MAEA: variants seen among roughly 807,000 people sequenced by gnomAD.
The protein encoded by MAEA is macrophage erythroblast attacher, E3 ubiquitin ligase, also known as E3 ubiquitin-protein transferase MAEA.
Under a neutral mutation model 46.2 loss-of-function variants are expected in MAEA, and 22 were observed. The ratio of observed to expected loss-of-function variants is 0.48; its 90% confidence interval spans 0.34 to 0.68. MAEA has a LOEUF of 0.68. MAEA is among the 30% of genes least tolerant of loss of function. The pLI, the probability that MAEA is intolerant of heterozygous loss-of-function variation, is 0.01. For missense variants in MAEA, 393 were observed against 558.1 expected, an observed-to-expected ratio of 0.70 and a Z score of 2.98; for synonymous variants, 246 against 222.6, an observed-to-expected ratio of 1.11 and a Z score of -0.94.
Position 1,339,285 on chromosome 4 carries a change from G to A in MAEA, c.*116G>A. On this transcript the variant is annotated 3_prime_UTR_variant, in exon 9 of 9. Transcript: ENST00000303400. ...GGCGTTTCTGTTTCTTGCGACCAAA[G>A]ATCCGTGAGCAACGATAAATACTCT... 1.4e-6 allele frequency: 1 copy of A among 730,128 alleles called. No individual in the cohort carries two copies. 45.2% of individuals were successfully genotyped at this position (730,128 alleles called of 1,614,324 possible). A position where few individuals can be genotyped will look rare whatever the true frequency, so the allele number is the denominator to read the frequency against.
At chr4:1,328,231 C>T (rs1475873178) in intron 5 of MAEA, among the ~76,000 whole-genome samples, 8 of 152,224 alleles carry the variant, frequency 5.3e-5, no homozygotes. Context: ...CAGCGGCGCC[C>T]TGGTGGTCAG....
At chr4:1,299,023 G>A (rs11247984) in intron 1 of MAEA, among the ~76,000 whole-genome samples, 53,192 of 151,842 alleles carry the variant, frequency 0.35, 11,284 homozygotes, top group Non-Finnish European at 0.48. Context: ...CTGGGACCAC[G>A]GGCGCCTGCT....
intron 1 of MAEA, among the ~76,000 whole-genome samples, chr4:1,304,609 T>A (rs1240613033): frequency 6.6e-6 from 1 of 151,828 alleles, no homozygotes; most frequent in East Asian, 1.9e-4. Flanking sequence ...CCTGGCTAAT[T>A]TTTTTGTATT....
intron 1 of MAEA, among the ~76,000 whole-genome samples, chr4:1,290,226 G>A (rs1733963442): frequency 6.6e-6 from 1 of 152,092 alleles, no homozygotes; most frequent in African/African-American, 2.4e-5. Context: ...TGCGTGAGCC[G>A]AGCCAGCGAC....
chr4:1,336,080 C>T lies in MAEA; in HGVS notation c.766-781C>T, dbSNP rs566928547. On this transcript the variant is annotated intron_variant, in intron 6 of 8. Transcript: ENST00000303400. ...TTGAAATCACAGAGTTAAGTCAGCA[C>T]CTGCCCTGCAGTGTGTTGAAATCAG... Among the ~76,000 whole-genome samples, 56 of 151,806 alleles carry T rather than the reference C, an allele frequency of 3.7e-4. 1 individual carries two copies. Among genetic ancestry groups the T allele is most frequent in the South Asian group, 6.3e-4 (3 of 4,786 alleles).
chr4:1,329,688 C>T (rs549461525), intron 5 of MAEA: 19 of 985,592 alleles, frequency 1.9e-5, no homozygotes, highest in Admixed American at 1.2e-4. Flanking sequence ...ACAAGGCACA[C>T]GGGAGCTGGG....
Position 1,335,110 on chromosome 4 carries a change from C to G in MAEA, c.766-1751C>G, listed in dbSNP as rs544495369. The G allele has an allele frequency of 2.1e-5, 21 of 985,422 alleles. No individual in the cohort carries two copies. The African/African-American group carries it at 3.5e-4, about 16-fold the overall frequency. 61.0% of individuals were successfully genotyped at this position (985,422 alleles called of 1,614,324 possible). A position where few individuals can be genotyped will look rare whatever the true frequency, so the allele number is the denominator to read the frequency against. Reference sequence around the variant, plus strand: ...TTTCTCTCCTGTGCTCACACACGCTCTCTCTCTTAAGTCTAAACCTGAGGT... The same window carrying G: ...TTTCTCTCCTGTGCTCACACACGCTGTCTCTCTTAAGTCTAAACCTGAGGT... On this transcript the variant is annotated intron_variant, in intron 6 of 8. Coordinates refer to ENST00000303400, the MANE Select transcript of MAEA (RefSeq NM_001017405.3).
intron 3 of MAEA, among the ~76,000 whole-genome samples, chr4:1,321,395 G>A (rs11933855): frequency 0.28 from 42,430 of 151,420 alleles, 8,095 homozygotes; most frequent in African/African-American, 0.52. Context: ...AAACAACACT[G>A]TGAGGGGTTT....
intron 6 of MAEA, chr4:1,335,604 G>A (rs1039968410): frequency 6.3e-6 from 6 of 949,836 alleles, no homozygotes; most frequent in African/African-American, 2.1e-5. Flanking sequence ...GCCCCATGGC[G>A]TGTTGAAACC....
chr4:1,331,553 T>G (rs1711814137), intron 5 of MAEA: 1 of 152,464 alleles, frequency 6.6e-6, no homozygotes, highest in Non-Finnish European at 1.5e-5. Flanking sequence ...TGGCACCTCC[T>G]CAGCCCTGTG....
At chr4:1,297,921 C>T (rs1230518866) in intron 1 of MAEA, 2 of 448,918 alleles carry the variant, frequency 4.5e-6, no homozygotes, top group South Asian at 3.1e-5. Flanking sequence ...GATGTAGCCC[C>T]ATCCCCTGCC....
chr4:1,312,014 C>T lies in MAEA; in HGVS notation c.105C>T (p.Ala35=), dbSNP rs34402978. 0.04 allele frequency: 63,929 copies of T among 1,613,646 alleles called. 1,443 individuals are homozygous for T. The highest frequency in any genetic ancestry group is 0.046 in the Middle Eastern group (278 of 6,060). Residue 35 remains alanine, a synonymous_variant, in exon 2 of 9, where the codon GCC becomes GCT. Coordinates refer to ENST00000303400, the MANE Select transcript of MAEA (RefSeq NM_001017405.3). ...PYETLNKRFR[A]AQKNIDRETS... ...AGACGCTGAACAAACGCTTTCGCGC[C>T]GCTCAGAAGAACATTGACCGGGAGA...
Position 1,289,998 on chromosome 4 carries a change from G to A in MAEA, c.69+16G>A, listed in dbSNP as rs767793564. On this transcript the variant is annotated intron_variant, in intron 1 of 8. Transcript: ENST00000303400. ...GACCCTCAAGGTGGGCGCCTGCGCC[G>A]CGCAGGCTGAGGGCAGCGAAGGCGT... 5 of 1,576,072 alleles carry A rather than the reference G, an allele frequency of 3.2e-6. No homozygotes were observed. The highest frequency in any genetic ancestry group is 4.8e-5 in the East Asian group (2 of 41,630).
chr4:1,322,118 G>T (rs1016535909), intron 3 of MAEA, among the ~76,000 whole-genome samples: 1 of 152,178 alleles, frequency 6.6e-6, no homozygotes, highest in African/African-American at 2.4e-5. Flanking sequence ...CCATGGACAG[G>T]TGGGGCCAGC....
intron 1 of MAEA, among the ~76,000 whole-genome samples, chr4:1,292,574 G>A (rs1259053751): frequency 6.6e-6 from 1 of 152,172 alleles, no homozygotes; most frequent in Non-Finnish European, 1.5e-5. Context: ...GGTGGGGGCT[G>A]TGCAGTCTAG....
In MAEA at chr4:1,311,920, G is replaced by A; in HGVS notation, c.70-59G>A. The stretch of plus-strand genomic sequence containing the variant: ...AGGAGACCTGGTGTGTCCTGGGTGT[G>A]GGGCTGGTGGGGCTCACACCAGGGG... On this transcript the variant is annotated intron_variant, in intron 1 of 8. Coordinates refer to ENST00000303400, the MANE Select transcript of MAEA (RefSeq NM_001017405.3). The surrounding 1 kb of genome is among the most constrained non-coding windows in gnomAD (Gnocchi z 4.4). 7 of 1,502,868 alleles carry A rather than the reference G, an allele frequency of 4.7e-6. No individual in the cohort carries two copies. Among genetic ancestry groups the A allele is most frequent in the Non-Finnish European group, 6.4e-6 (7 of 1,095,540 alleles). 93.1% of individuals were successfully genotyped at this position (1,502,868 alleles called of 1,614,324 possible).
chr4:1,338,646 C>A, intron 8 of MAEA, 29 bp downstream of exon 8: 1 of 1,567,560 alleles, frequency 6.4e-7, no homozygotes. Flanking sequence ...GGGGGCCAGG[C>A]TGGCACGCAT....
intron 7 of MAEA, chr4:1,337,311 T>C: frequency 3.2e-6 from 1 of 307,836 alleles, no homozygotes; most frequent in East Asian, 9.0e-5. Context: ...CAGAATAGTT[T>C]TCCCGTGTGA....
At chr4:1,297,938 T>C (rs1204893063) in intron 1 of MAEA, 1 of 452,866 alleles carries the variant, frequency 2.2e-6, no homozygotes, top group Admixed American at 2.4e-5. Flanking sequence ...TGCCCTTCTC[T>C]GCTTCCCATT....
Sources: gnomAD v4.1 joint callset for allele counts (sites outside exome capture counted in the v4.1 genomes callset) on GRCh38, gnomAD v4.1.1 for gene constraint, Gnocchi (gnomAD v3.1) non-coding constraint, MANE v1.5 for transcripts, NCBI Gene and HGNC (gene_info 2026-07-23, HGNC 2026-07-21) for gene names.